Variants in VPS13A observed in about 807,000 individuals in gnomAD.
VPS13A encodes intermembrane lipid transfer protein VPS13A.
In VPS13A, 264 loss-of-function variants were observed where a neutral mutation model predicts 390.9. The observed-to-expected ratio is 0.68, with a 90% CI of 0.61 to 0.75. The LOEUF (loss-of-function observed/expected upper bound fraction) is 0.75, where lower values mean the gene tolerates loss of function less well. VPS13A is among the 30% of genes least tolerant of loss of function. The pLI, the probability that VPS13A is intolerant of heterozygous loss-of-function variation, is 0.00. For synonymous variants in VPS13A, 1,231 were observed against 1,227.1 expected (o/e 1.00, Z -0.07); for missense variants, 3,409 against 3,733.9 (o/e 0.91, Z 2.27).
At chr9:77,345,852 G>A (rs539558168) in intron 52 of VPS13A, among the ~76,000 whole-genome samples, 3 of 152,184 alleles carry the variant, frequency 2.0e-5, no homozygotes, top group African/African-American at 7.2e-5. Context: ...GGACCACAGG[G>A]CTGGACTAGC....
rs1171137090 is a variant in VPS13A, at chr9:77,416,254, A to G, written c.*248A>G. 2.4e-5 allele frequency: 10 copies of G among 416,948 alleles called. No individual in the cohort carries two copies. The highest frequency in any genetic ancestry group is 4.4e-5 in the Non-Finnish European group (10 of 226,936). The allele number at this position is 416,948 out of a possible 1,614,324, so 25.8% of individuals were successfully genotyped here. ...GTTTTCTAAATTGAATCATGCATCT[A>G]TTTATAATTCTAATTATTTTGTAAA... is the stretch of plus-strand genomic sequence containing the variant. On this transcript the variant is annotated 3_prime_UTR_variant, in exon 72 of 72. Coordinates refer to ENST00000360280, the MANE Select transcript of VPS13A (RefSeq NM_033305.3).
chr9:77,282,822 T>C (rs1827115666), intron 29 of VPS13A, among the ~76,000 whole-genome samples: 1 of 152,028 alleles, frequency 6.6e-6, no homozygotes, highest in African/African-American at 2.4e-5. Flanking sequence ...GTGGTGTTTG[T>C]CTGTAGACCC....
In VPS13A at chr9:77,369,778, A is replaced by C. The variant is rs556271586; in HGVS notation, c.8667+366A>C. Among the ~76,000 whole-genome samples, 10 of 152,328 alleles carry C rather than the reference A, an allele frequency of 6.6e-5. No individual in the cohort carries two copies. The South Asian group carries it at 2.1e-3, about 32-fold the overall frequency. ...TTAAAAATCAGTGGGAAAAATTATG[A>C]TTGTTCTATGTCCTTTAAAACTTTT... On this transcript the variant is annotated intron_variant, in intron 63 of 71. Coordinates refer to ENST00000360280, the MANE Select transcript of VPS13A (RefSeq NM_033305.3).
Position 77,403,834 on chromosome 9 carries a change from T to C in VPS13A, c.9275+513T>C, listed in dbSNP as rs61166884. Among the ~76,000 whole-genome samples, 314 of 152,272 alleles carry C rather than the reference T, an allele frequency of 2.1e-3. 2 individuals are homozygous for C. The highest frequency in any genetic ancestry group is 7.2e-3 in the African/African-American group (298 of 41,562). On this transcript the variant is annotated intron_variant, in intron 69 of 71. Coordinates refer to ENST00000360280, the MANE Select transcript of VPS13A (RefSeq NM_033305.3). ...CAGAGGGGCAAGTGTGCAGAAGTCA[T>C]TGTTAAACTAGGGAAAAAATGAGCA...
At chr9:77,214,260 G>T in intron 9 of VPS13A, 69 bp from the exon 10 acceptor site, 1 of 1,368,858 alleles carries the variant, frequency 7.3e-7, no homozygotes. Flanking sequence ...TGGGTGACAG[G>T]GGGAGACTCC....
intron 19 of VPS13A, among the ~76,000 whole-genome samples, chr9:77,244,976 T>C (rs1824721848): frequency 6.6e-6 from 1 of 152,056 alleles, no homozygotes; most frequent in African/African-American, 2.4e-5. Context: ...AGCAAACAAT[T>C]GGGTGAATTT....
At position 77,309,394 on chromosome 9, in the gene VPS13A, G is replaced by A. The variant is rs549273940; in HGVS notation, c.4114+1296G>A. Among the ~76,000 whole-genome samples, 9 of 152,162 alleles carry A rather than the reference G, an allele frequency of 5.9e-5. No individual in the cohort carries two copies. In the South Asian group the frequency reaches 1.9e-3, roughly 32 times the overall value. ...GAAGAAATAATTGAGGAAATGGAAG[G>A]CAATTCTTTAAAGAAGTATAGTACT... On this transcript the variant is annotated intron_variant, in intron 35 of 71. Coordinates refer to ENST00000360280, the MANE Select transcript of VPS13A (RefSeq NM_033305.3).
rs1489299609 is a variant in VPS13A, at chr9:77,213,311, C to A, written c.693C>A (p.Ser231=). ...QMFYLSDYDN[S]LDDLKNGIVN... Reference sequence around the variant, plus strand: ...TTTATCTTAGTGATTATGATAACTCCTTGGTAAGTAAATTTTTTCTGTATG... The same window carrying A: ...TTTATCTTAGTGATTATGATAACTCATTGGTAAGTAAATTTTTTCTGTATG... The change falls in exon 9 of 72, where the codon TCC becomes TCA. Residue 231 remains serine, a synonymous_variant. Transcript: ENST00000360280. 1.2e-6 allele frequency: 2 copies of A among 1,611,972 alleles called. No homozygotes were observed. Among genetic ancestry groups the A allele is most frequent in the East Asian group, 4.5e-5 (2 of 44,762 alleles).
At chr9:77,292,091 T>C (rs1827704346) in intron 31 of VPS13A, among the ~76,000 whole-genome samples, 1 of 152,158 alleles carries the variant, frequency 6.6e-6, no homozygotes, top group Non-Finnish European at 1.5e-5. Flanking sequence ...GTTGATAATC[T>C]TGGTGGTGCT....
intron 1 of VPS13A, 53 bp downstream of exon 1, chr9:77,177,857 C>T: frequency 6.5e-7 from 1 of 1,531,196 alleles, no homozygotes; most frequent in Non-Finnish European, 8.9e-7. Flanking sequence ...CCGGCCGTCT[C>T]GCTGCCCGAG....
chr9:77,333,314 C>T (rs114988464), intron 46 of VPS13A, among the ~76,000 whole-genome samples: 1,794 of 151,686 alleles, frequency 0.012, 27 homozygotes, highest in African/African-American at 0.029. Flanking sequence ...GTTAATCCAT[C>T]TTAATGAGAA....
intron 68 of VPS13A, among the ~76,000 whole-genome samples, chr9:77,390,663 TTTG>T (rs200982435): frequency 1.2e-4 from 14 of 113,700 alleles, no homozygotes; most frequent in South Asian, 3.7e-4. Flanking sequence ...TCCCTCTCTT[TTTG>T]TTGTTGTTGT....
chr9:77,409,133 T>C (rs1186588129), intron 71 of VPS13A, among the ~76,000 whole-genome samples: 4 of 152,214 alleles, frequency 2.6e-5, no homozygotes, highest in Admixed American at 1.3e-4. Flanking sequence ...ACATCTGCTG[T>C]TCACCAATAT....
intron 21 of VPS13A, 73 bp from the exon 22 acceptor site, chr9:77,252,162 A>G (rs552815358): frequency 1.7e-6 from 2 of 1,201,482 alleles, no homozygotes; most frequent in Non-Finnish European, 2.5e-6. Context: ...ATGTGTGACT[A>G]TGAAGTATTA....
chr9:77,315,127 A>G (rs1829311562), intron 37 of VPS13A, 126 bp from the exon 38 acceptor site: 2 of 823,008 alleles, frequency 2.4e-6, no homozygotes, highest in Non-Finnish European at 3.9e-6. Flanking sequence ...GATCTTCCCA[A>G]GAGACATGAC....
chr9:77,323,420 ACTT>A (rs1829851030), intron 45 of VPS13A, among the ~76,000 whole-genome samples, 193 bp downstream of exon 45: 1 of 151,954 alleles, frequency 6.6e-6, no homozygotes, highest in African/African-American at 2.4e-5. Context: ...TGTTCAATAT[ACTT>A]CTTATAATTT....
chr9:77,318,682 G>A (rs1047550507), intron 41 of VPS13A, 91 bp downstream of exon 41: 6 of 1,251,422 alleles, frequency 4.8e-6, no homozygotes, highest in African/African-American at 1.5e-5. Context: ...ATGGAATCTT[G>A]TGTAGCTATT....
chr9:77,407,685 A>ATAAGT (rs1834692214), intron 71 of VPS13A, 78 bp downstream of exon 71: 2 of 1,162,592 alleles, frequency 1.7e-6, no homozygotes, highest in Non-Finnish European at 2.5e-6. Flanking sequence ...TTTAATGCAG[A>ATAAGT]TAAGTTTTGT....
In VPS13A at chr9:77,178,536, T is replaced by G. The variant is rs180935223; in HGVS notation, c.100+732T>G. 1.9e-3 allele frequency among the ~76,000 whole-genome samples: 295 copies of G among 152,308 alleles called. 1 individual carries two copies. The highest frequency in any genetic ancestry group is 6.5e-3 in the African/African-American group (272 of 41,566). ...TTTAGGATATGTGGGTCAGAGTGAATTGCCGAATTTTAAAGAAAAACCAGG... is the reference window on the plus strand; with the variant it reads ...TTTAGGATATGTGGGTCAGAGTGAAGTGCCGAATTTTAAAGAAAAACCAGG... On this transcript the variant is annotated intron_variant, in intron 1 of 71. Transcript: ENST00000360280.
Sources: allele counts gnomAD v4.1 joint callset (sites outside exome capture counted in the v4.1 genomes callset), GRCh38; gene constraint gnomAD v4.1.1; transcripts MANE v1.5; gene names NCBI Gene and HGNC (gene_info 2026-07-23, HGNC 2026-07-21).